Variants in COG5 observed in about 807,000 individuals in gnomAD.
COG5 encodes conserved oligomeric Golgi complex subunit 5.
A neutral mutation model predicts 110.4 loss-of-function variants in COG5; 86 were observed. The ratio of observed to expected loss-of-function variants is 0.78; its 90% CI spans 0.65 to 0.93. The LOEUF is 0.93. COG5 is among the 40% of genes least tolerant of loss of function. The pLI is 0.00. For synonymous variants in COG5, 360 were observed against 334.6 expected, an observed-to-expected ratio of 1.08 and a Z score of -0.83; for missense variants, 1,077 against 987.0, an observed-to-expected ratio of 1.09 and a Z score of -1.22.
At chr7:107,366,873 C>A (rs1172510423) in intron 8 of COG5, among the ~76,000 whole-genome samples, 1 of 152,074 alleles carries the variant, frequency 6.6e-6, no homozygotes, top group Admixed American at 6.6e-5. Flanking sequence ...CTTCCTTTCT[C>A]TGTTGTTGAA....
At chr7:107,534,886 G>C (rs1421488141) in intron 5 of COG5, among the ~76,000 whole-genome samples, 1 of 151,474 alleles carries the variant, frequency 6.6e-6, no homozygotes, top group African/African-American at 2.4e-5. Flanking sequence ...GTACCACACA[G>C]CACTTATTCT....
chr7:107,208,178 C>A (rs2116160673), intron 21 of COG5: 2 of 985,214 alleles, frequency 2.0e-6, no homozygotes, highest in East Asian at 1.1e-4. Flanking sequence ...TTTTTTGAAA[C>A]CCTGAAGGAC....
intron 6 of COG5, among the ~76,000 whole-genome samples, chr7:107,513,649 A>C (rs1799704095): frequency 6.6e-6 from 1 of 152,212 alleles, no homozygotes; most frequent in South Asian, 2.1e-4. Flanking sequence ...GAACCAACCC[A>C]AATGTCCAAC....
chr7:107,468,658 T>C (rs1449868041), intron 6 of COG5, among the ~76,000 whole-genome samples: 1 of 152,194 alleles, frequency 6.6e-6, no homozygotes, highest in Non-Finnish European at 1.5e-5. Flanking sequence ...ACAACTCATA[T>C]TGGTCAGCTA....
intron 7 of COG5, among the ~76,000 whole-genome samples, chr7:107,380,531 A>C (rs1448991982): frequency 6.6e-6 from 1 of 152,202 alleles, no homozygotes; most frequent in Non-Finnish European, 1.5e-5. Flanking sequence ...AATACTATAA[A>C]CACCTCTACA....
At chr7:107,400,982 C>T (rs1791382911) in intron 7 of COG5, among the ~76,000 whole-genome samples, 1 of 151,976 alleles carries the variant, frequency 6.6e-6, no homozygotes, top group Admixed American at 6.6e-5. Context: ...AAAGTATCTG[C>T]CAAGAAAATC....
At chr7:107,452,581 G>A (rs904822825) in intron 6 of COG5, among the ~76,000 whole-genome samples, 1 of 152,134 alleles carries the variant, frequency 6.6e-6, no homozygotes, top group Admixed American at 6.5e-5. Flanking sequence ...TTAAAAACGG[G>A]AGTTTCCTTG....
At chr7:107,360,770 C>G (rs1224637893) in intron 10 of COG5, among the ~76,000 whole-genome samples, 1 of 152,190 alleles carries the variant, frequency 6.6e-6, no homozygotes, top group Admixed American at 6.5e-5. Context: ...GTGGCTGGAC[C>G]CCAAGCTTGT....
chr7:107,508,220 C>A (rs947554126), intron 6 of COG5, among the ~76,000 whole-genome samples: 3 of 152,262 alleles, frequency 2.0e-5, no homozygotes, highest in Admixed American at 1.3e-4. Flanking sequence ...AAACGGCACA[C>A]CAGGGGATTA....
At chr7:107,293,158 T>C (rs1338146689) in intron 12 of COG5, among the ~76,000 whole-genome samples, 1 of 152,148 alleles carries the variant, frequency 6.6e-6, no homozygotes, top group Non-Finnish European at 1.5e-5. Context: ...AAAGAATCAC[T>C]ATTTCAAAAG....
intron 19 of COG5, among the ~76,000 whole-genome samples, chr7:107,222,378 G>T (rs1490906182): frequency 2.6e-5 from 4 of 152,090 alleles, no homozygotes; most frequent in Non-Finnish European, 5.9e-5. Flanking sequence ...GCTAATTTTT[G>T]TATTTTTAGT....
At chr7:107,249,882 A>T (rs1489583363) in intron 16 of COG5, among the ~76,000 whole-genome samples, 1 of 152,062 alleles carries the variant, frequency 6.6e-6, no homozygotes, top group Non-Finnish European at 1.5e-5. Flanking sequence ...ACACTAAAAA[A>T]GTTTCGGATT....
At chr7:107,206,111 C>A (rs1798762439) in intron 21 of COG5, among the ~76,000 whole-genome samples, 1 of 152,144 alleles carries the variant, frequency 6.6e-6, no homozygotes, top group Non-Finnish European at 1.5e-5. Context: ...CAGGCGCCCG[C>A]CATTGCACCC....
At chr7:107,470,555 T>A (rs967494636) in intron 6 of COG5, 1 of 152,184 alleles carries the variant, frequency 6.6e-6, no homozygotes, top group Admixed American at 6.6e-5. Flanking sequence ...TTAATTCTAC[T>A]TATTGCTAGA....
At chr7:107,554,189 C>T in intron 3 of COG5, 96 bp downstream of exon 3, 1 of 1,035,864 alleles carries the variant, frequency 9.7e-7, no homozygotes, top group East Asian at 2.4e-5. Flanking sequence ...GTATGGCTGG[C>T]AAAGTCTAAA....
chr7:107,241,609 G>A (rs1343033931), intron 17 of COG5, among the ~76,000 whole-genome samples: 4 of 151,738 alleles, frequency 2.6e-5, no homozygotes, highest in South Asian at 2.1e-4. Context: ...CCGCCACCAC[G>A]CCTGGCTAAT....
rs1483203480 is a variant in COG5, at chr7:107,202,298, C to T, written c.*1218G>A. 6.6e-6 allele frequency: 1 copy of T among 152,606 alleles called. No individual in the cohort carries two copies. The highest frequency in any genetic ancestry group is 6.5e-5 in the Admixed American group (1 of 15,286). 9.5% of individuals were successfully genotyped at this position (152,606 alleles called of 1,614,324 possible). A position where few individuals can be genotyped will look rare whatever the true frequency, so the allele number is the denominator to read the frequency against. On this transcript the variant is annotated 3_prime_UTR_variant, in exon 22 of 22. Transcript: ENST00000297135. ...AGTGCAACACTTGCACTTTAATTTT[C>T]CTCCAACTGTCTAAAATTAGAGCAA...
chr7:107,352,375 C>A (rs2129041941), intron 10 of COG5, among the ~76,000 whole-genome samples: 1 of 150,226 alleles, frequency 6.7e-6, no homozygotes, highest in South Asian at 2.1e-4. Context: ...GGGTGCAGCA[C>A]ACCAACATGG....
chr7:107,440,008 T>TA (rs1794612125), intron 6 of COG5, among the ~76,000 whole-genome samples: 1 of 152,188 alleles, frequency 6.6e-6, no homozygotes, highest in Non-Finnish European at 1.5e-5. Context: ...CCTCCATGAA[T>TA]TTCTTGACTA....
Sources: gnomAD v4.1 joint callset for allele counts (sites outside exome capture counted in the v4.1 genomes callset) on GRCh38, gnomAD v4.1.1 for gene constraint, MANE v1.5 for transcripts, NCBI Gene and HGNC (gene_info 2026-07-23, HGNC 2026-07-21) for gene names.